The following SPATA9 variants were observed in gnomAD, a reference collection of about 807,000 sequenced individuals.
The protein encoded by SPATA9 is spermatogenesis-associated protein 9.
SPATA9 carries 27 observed loss-of-function variants against 25.5 expected under a neutral mutation model. The ratio of observed to expected loss-of-function variants is 1.06; its 90% CI spans 0.78 to 1.46. The LOEUF is 1.46. Ranked by LOEUF, SPATA9 falls within the 40% of genes most tolerant of loss-of-function variation. The pLI is 0.00. For synonymous variants in SPATA9, 102 were observed against 105.7 expected, an observed-to-expected ratio of 0.97 and a Z score of 0.21; for missense variants, 282 against 297.5, an observed-to-expected ratio of 0.95 and a Z score of 0.38.
intron 3 of SPATA9, among the ~76,000 whole-genome samples, chr5:95,669,330 G>T (rs1444863581): frequency 6.6e-6 from 1 of 152,134 alleles, no homozygotes; most frequent in African/African-American, 2.4e-5. Flanking sequence ...TAGCCTCATG[G>T]CAGGCCCATG....
intron 2 of SPATA9, among the ~76,000 whole-genome samples, chr5:95,676,323 T>C (rs900308475): frequency 6.6e-6 from 1 of 152,154 alleles, no homozygotes; most frequent in Non-Finnish European, 1.5e-5. Context: ...CGTCCTTTTG[T>C]GGTAATTTCT....
At chr5:95,656,275 C>T, downstream of SPATA9, 1 of 1,612,408 alleles carries the variant, frequency 6.2e-7, no homozygotes, top group Non-Finnish European at 8.5e-7. Flanking sequence ...TTTTATGCCA[C>T]TGGAGACTTC....
chr5:95,674,146 A>T (rs1462693850), intron 3 of SPATA9, among the ~76,000 whole-genome samples: 4 of 152,252 alleles, frequency 2.6e-5, no homozygotes, highest in Admixed American at 1.3e-4. Flanking sequence ...GAAATTATAA[A>T]AGAGCCTTTT....
At chr5:95,731,757 G>A in the SPATA9 span, 1 of 1,607,058 alleles carries the variant, frequency 6.2e-7, no homozygotes, top group South Asian at 1.1e-5. Flanking sequence ...AGGGGCTGGT[G>A]CCCATCCTCG....
intron 4 of SPATA9, among the ~76,000 whole-genome samples, chr5:95,661,340 CG>C (rs1751243814): frequency 6.6e-6 from 1 of 152,006 alleles, no homozygotes; most frequent in African/African-American, 2.4e-5. Flanking sequence ...TGGTTCCACT[CG>C]TAGGACATTA....
chr5:95,654,417 C>G, downstream of SPATA9: 1 of 1,196,208 alleles, frequency 8.4e-7, no homozygotes, highest in Non-Finnish European at 1.2e-6. Flanking sequence ...TAAATATATT[C>G]AAAAATAATT....
chr5:95,707,375 A>G, the SPATA9 span, among the ~76,000 whole-genome samples: 1 of 152,164 alleles, frequency 6.6e-6, no homozygotes, highest in East Asian at 1.9e-4. Context: ...CCACACTGAG[A>G]CGAATTAAGA....
Position 95,691,215 on chromosome 5 carries a change from CAA to C in SPATA9, n.124+7371_124+7372del, listed in dbSNP as rs35098619. Among the ~76,000 whole-genome samples, 90 of 139,128 alleles carry C rather than the reference CAA, an allele frequency of 6.5e-4. 1 individual carries two copies. Among genetic ancestry groups the C allele is most frequent in the African/African-American group, 2.0e-3 (74 of 37,714 alleles). 91.3% of individuals were successfully genotyped at this position (139,128 alleles called of 152,430 possible). Reference sequence around the variant, plus strand: ...TGGGCGACAGAGCAAGACTCCGTCTCAAAAAAAAAAAAAAATTCATTTATTAT... The same window carrying C: ...TGGGCGACAGAGCAAGACTCCGTCTCAAAAAAAAAAAAATTCATTTATTAT... On this transcript the variant is annotated intron_variant and non_coding_transcript_variant, in intron 1 of 2. Coordinates refer to the SPATA9 transcript ENST00000379990.
intron 3 of SPATA9, chr5:95,674,721 G>C (rs1752756414): frequency 4.4e-6 from 2 of 455,846 alleles, no homozygotes; most frequent in Non-Finnish European, 8.8e-6. Context: ...CAACAGCTCT[G>C]GGTTGTTTAT....
chr5:95,731,731 C>G, the SPATA9 span: 3 of 1,612,412 alleles, frequency 1.9e-6, no homozygotes, highest in Non-Finnish European at 2.5e-6. Flanking sequence ...CAGCGCGTGC[C>G]GTGCGCCCCA....
the SPATA9 span, chr5:95,731,536 T>C: frequency 3.6e-6 from 5 of 1,385,218 alleles, no homozygotes; most frequent in Non-Finnish European, 4.7e-6. Context: ...GGCCCCGCTC[T>C]GCGTCGGCCC....
At chr5:95,706,175 G>A in the SPATA9 span, among the ~76,000 whole-genome samples, 1 of 151,678 alleles carries the variant, frequency 6.6e-6, no homozygotes, top group African/African-American at 2.4e-5. Context: ...AATAAGGAGT[G>A]GATTCACTTA....
At chr5:95,697,161 A>G (rs1754044034) in intron 1 of SPATA9, among the ~76,000 whole-genome samples, 1 of 152,180 alleles carries the variant, frequency 6.6e-6, no homozygotes, top group African/African-American at 2.4e-5. Context: ...TTCTGGCTTG[A>G]AATCATTCAA....
Position 95,658,697 on chromosome 5 carries a change from T to G in SPATA9, c.691A>C (p.Asn231His). 6.2e-7 allele frequency: 1 copy of G among 1,613,826 alleles called. No homozygotes were observed. Among genetic ancestry groups the G allele is most frequent in the Non-Finnish European group, 8.5e-7 (1 of 1,179,894 alleles). The change falls in exon 5 of 5, where the codon AAT (asparagine) becomes CAT (histidine). Residue 231 changes from asparagine to histidine, a missense_variant. Coordinates refer to ENST00000274432, the MANE Select transcript of SPATA9 (RefSeq NM_031952.4). ...ACTTGGATGTTATTACTCTGCTTATTAGCAAGAAGCTTGGGGTAATCTGAA... is the reference window on the plus strand; with the variant it reads ...ACTTGGATGTTATTACTCTGCTTATGAGCAAGAAGCTTGGGGTAATCTGAA... ...DISDYPKLLA[N>H]KQSNNIQVLH... is the part of the protein sequence containing the mutation.
upstream of SPATA9, among the ~76,000 whole-genome samples, chr5:95,702,978 A>G (rs147743288): frequency 6.3e-3 from 957 of 152,366 alleles, 8 homozygotes; most frequent in African/African-American, 0.022. Context: ...TTATTTCTTT[A>G]AAATTTCCTA....
chr5:95,694,164 A>G (rs1477053406), intron 1 of SPATA9, among the ~76,000 whole-genome samples: 1 of 152,188 alleles, frequency 6.6e-6, no homozygotes, highest in Non-Finnish European at 1.5e-5. Context: ...AGTCTCAAAA[A>G]AAAGGCAAAT....
the SPATA9 span, among the ~76,000 whole-genome samples, chr5:95,729,749 T>G: frequency 6.6e-6 from 1 of 152,236 alleles, no homozygotes; most frequent in Non-Finnish European, 1.5e-5. Flanking sequence ...CTTTAGATAC[T>G]TCATATAAAT....
chr5:95,682,070 G>A (rs1209152347), intron 2 of SPATA9, among the ~76,000 whole-genome samples: 7 of 152,052 alleles, frequency 4.6e-5, no homozygotes. Context: ...TGGAACAGAG[G>A]TTTAAAAAAT....
At chr5:95,702,176 T>C (rs1036510233), upstream of SPATA9, among the ~76,000 whole-genome samples, 4 of 151,250 alleles carry the variant, frequency 2.6e-5, no homozygotes, top group Non-Finnish European at 4.4e-5. Context: ...CATGACACCA[T>C]AAAGCCCAGG....
Sources: gnomAD v4.1 joint callset for allele counts (sites outside exome capture counted in the v4.1 genomes callset) on GRCh38, gnomAD v4.1.1 for gene constraint, MANE v1.5 for transcripts, NCBI Gene and HGNC (gene_info 2026-07-23, HGNC 2026-07-21) for gene names.